JAK1: variants seen among roughly 807,000 people sequenced by gnomAD.
JAK1 encodes the protein Janus kinase 1, also known as tyrosine-protein kinase JAK1.
Under a neutral mutation model 136.6 loss-of-function variants are expected in JAK1, and 16 were observed. The ratio of observed to expected loss-of-function variants is 0.12; its 90% CI spans 0.08 to 0.18. The LOEUF (loss-of-function observed/expected upper bound fraction) is 0.18, where lower values mean the gene tolerates loss of function less well. Among genes scored for constraint, JAK1 ranks in the 10% least tolerant of loss-of-function variants. The pLI is 1.00. For missense variants in JAK1, 859 were observed against 1,450.1 expected (o/e 0.59, Z 6.62); for synonymous variants, 492 against 519.5 (o/e 0.95, Z 0.72).
intron 20 of JAK1, chr1:64,839,375 AGT>A: frequency 4.6e-6 from 2 of 431,392 alleles, no homozygotes; most frequent in Non-Finnish European, 8.2e-6. Context: ...GTGGAGAGAC[AGT>A]GCTGGAACCA....
At chr1:64,883,124 C>G (rs984822853) in intron 3 of JAK1, among the ~76,000 whole-genome samples, 153 bp downstream of exon 3, 1 of 152,198 alleles carries the variant, frequency 6.6e-6, no homozygotes, top group Non-Finnish European at 1.5e-5. Context: ...CCTAAGGTCA[C>G]GTGCAAGTGG....
chr1:64,850,682 C>A (rs189775402), intron 12 of JAK1, 122 bp downstream of exon 12: 2 of 687,260 alleles, frequency 2.9e-6, no homozygotes, highest in Admixed American at 4.4e-5. Flanking sequence ...AAAGGAAAGT[C>A]TCCCTGTTCT....
chr1:64,927,851 G>T (rs912358049), intron 1 of JAK1, among the ~76,000 whole-genome samples: 1 of 152,174 alleles, frequency 6.6e-6, no homozygotes, highest in Non-Finnish European at 1.5e-5. Flanking sequence ...TACAGCATAT[G>T]GTTGGGCAGG....
At position 64,986,004 on chromosome 1, in the gene JAK1, A is replaced by G; in HGVS notation, c.-78+58476T>C. The G allele has an allele frequency of 2.2e-6, 3 of 1,340,312 alleles. No individual in the cohort carries two copies. In the Admixed American group the frequency reaches 5.2e-5, roughly 23 times the overall value. 83.0% of individuals were successfully genotyped at this position (1,340,312 alleles called of 1,614,324 possible). ...TATGATCATCTCAGGAGCATTGATG[A>G]CCCCAGTGTTGTAGCCAAATTGGAA... On this transcript the variant is annotated intron_variant, in intron 2 of 25. Coordinates refer to the JAK1 transcript ENST00000671954.
At chr1:65,042,119 A>G (rs985548388) in intron 2 of JAK1, among the ~76,000 whole-genome samples, 3 of 152,130 alleles carry the variant, frequency 2.0e-5, no homozygotes, top group South Asian at 2.1e-4. Context: ...AGAAAACACT[A>G]TAAGAATAAA....
rs1298453909 is a variant in JAK1 at position 64,883,472 on chromosome 1, G to C, written c.10C>G (p.Leu4Val). ...GCATTGCAGTCCTCTTTTATATTTAGATACTGTTGTGGAAGGAAAACAAGA... is the reference window on the plus strand; with the variant it reads ...GCATTGCAGTCCTCTTTTATATTTACATACTGTTGTGGAAGGAAAACAAGA... MQY[L>V]NIKEDCNAMA... Residue 4 changes from leucine (L) to valine (V), a missense_variant, in exon 3 of 25, where the codon CTA becomes GTA. Physicochemically the swap from Leu to Val is conservative, Grantham distance 32 (BLOSUM62 1). Transcript: ENST00000342505. 2 of 1,613,266 alleles carry C rather than the reference G, an allele frequency of 1.2e-6. No homozygotes were observed. Among genetic ancestry groups the C allele is most frequent in the Non-Finnish European group, 1.7e-6 (2 of 1,179,410 alleles).
intron 1 of JAK1, among the ~76,000 whole-genome samples, chr1:64,937,146 G>C (rs1029684602): frequency 6.6e-6 from 1 of 151,864 alleles, no homozygotes; most frequent in Non-Finnish European, 1.5e-5. Context: ...TTGGGTAGCT[G>C]ATCCACTGCC....
At chr1:65,054,986 A>T (rs138939434) in intron 1 of JAK1, among the ~76,000 whole-genome samples, 138 of 152,344 alleles carry the variant, frequency 9.1e-4, no homozygotes, top group African/African-American at 3.2e-3. Context: ...TTTGGCTTCA[A>T]GAGGGTTATT....
chr1:64,911,203 G>A lies in JAK1; in HGVS notation c.-77-24862C>T, dbSNP rs142991874. ...AATACTTATTTGGTGAGGGATTTGG[G>A]GCCACAGGAATGAGGCCAGAAAACC... is the stretch of plus-strand genomic sequence containing the variant. On this transcript the variant is annotated intron_variant, in intron 1 of 24. Coordinates refer to ENST00000342505, the MANE Select transcript of JAK1 (RefSeq NM_002227.4). Among the ~76,000 whole-genome samples the A allele has an allele frequency of 2.0e-4, 31 of 152,188 alleles. 1 individual carries two copies. The highest frequency in any genetic ancestry group is 7.2e-4 in the African/African-American group (30 of 41,494).
chr1:64,855,771 G>T, intron 10 of JAK1, 73 bp from the exon 11 acceptor site: 2 of 1,265,160 alleles, frequency 1.6e-6, no homozygotes, highest in East Asian at 2.5e-5. Context: ...ATTAACATTA[G>T]GGGAAGCTGC....
At chr1:64,986,747 A>G (rs915187017) in intron 2 of JAK1, among the ~76,000 whole-genome samples, 4 of 151,960 alleles carry the variant, frequency 2.6e-5, no homozygotes, top group Non-Finnish European at 5.9e-5. Flanking sequence ...ATGGTGTTGC[A>G]TGCCTGTAGT....
chr1:64,837,031 A>C (rs1654525501), intron 22 of JAK1, among the ~76,000 whole-genome samples: 1 of 152,136 alleles, frequency 6.6e-6, no homozygotes, highest in Admixed American at 6.5e-5. Context: ...CTCTTGTCTC[A>C]TTCTTCCTAG....
chr1:65,044,638 G>A (rs1043732285), intron 1 of JAK1, among the ~76,000 whole-genome samples: 5 of 152,198 alleles, frequency 3.3e-5, no homozygotes, highest in Non-Finnish European at 5.9e-5. Flanking sequence ...GCCTGAAAGA[G>A]TAGTTCCAAT....
At chr1:65,030,400 T>G (rs1458396631) in intron 2 of JAK1, among the ~76,000 whole-genome samples, 1 of 152,146 alleles carries the variant, frequency 6.6e-6, no homozygotes, top group Non-Finnish European at 1.5e-5. Context: ...GAAGAGAAAG[T>G]TTCTCATTCT....
At chr1:65,013,070 TG>T (rs1646863070) in intron 2 of JAK1, among the ~76,000 whole-genome samples, 1 of 117,406 alleles carries the variant, frequency 8.5e-6, no homozygotes, top group African/African-American at 3.4e-5. Flanking sequence ...CACTCCAGCC[TG>T]GGTGACAGAG....
intron 7 of JAK1, among the ~76,000 whole-genome samples, chr1:64,865,335 ATACTCTTCCCAGT>A (rs1656631419): frequency 1.3e-5 from 2 of 152,206 alleles, no homozygotes; most frequent in South Asian, 4.1e-4. Flanking sequence ...AACAGATAAC[ATACTCTTCCCAGT>A]TACCACTGAG....
Position 65,065,355 on chromosome 1 carries a change from G to A in JAK1, c.-181+2249C>T, listed in dbSNP as rs188441155. ...CCAGCAAGAAAACAAGTTCAAATAA[G>A]CCTGCAAACAGATTTACATATTTTA... On this transcript the variant is annotated intron_variant, in intron 1 of 25. Transcript: ENST00000671954. Among the ~76,000 whole-genome samples the A allele has an allele frequency of 3.7e-3, 556 of 152,138 alleles. 1 individual carries two copies. The highest frequency in any genetic ancestry group is 5.5e-3 in the Non-Finnish European group (377 of 67,996).
chr1:64,861,772 G>A (rs962474225), intron 8 of JAK1, among the ~76,000 whole-genome samples: 1 of 152,152 alleles, frequency 6.6e-6, no homozygotes, highest in African/African-American at 2.4e-5. Flanking sequence ...AAGGAGGCCT[G>A]GAGAGGGCAG....
rs368222911 is a variant in JAK1 at position 64,850,795 on chromosome 1, G to A, written c.1755+9C>T. ...CACAGCTGGCCCACACCCTGCAGCC[G>A]TGACTCACCTGCACCAGATCCTTCT... is the stretch of plus-strand genomic sequence containing the variant. On this transcript the variant is annotated intron_variant, in intron 12 of 24. Coordinates refer to ENST00000342505, the MANE Select transcript of JAK1 (RefSeq NM_002227.4). The A allele has an allele frequency of 1.6e-4, 260 of 1,605,222 alleles. No individual in the cohort carries two copies. The highest frequency in any genetic ancestry group is 2.1e-4 in the Non-Finnish European group (251 of 1,172,010).
Sources: gnomAD v4.1 joint callset for allele counts (sites outside exome capture counted in the v4.1 genomes callset) on GRCh38, gnomAD v4.1.1 for gene constraint, MANE v1.5 for transcripts, NCBI Gene and HGNC (gene_info 2026-07-23, HGNC 2026-07-21) for gene names.